The following TENM4 variants were observed in gnomAD, a reference collection of about 807,000 sequenced individuals.
The protein encoded by TENM4 is teneurin transmembrane protein 4, also known as teneurin-4.
TENM4 carries 82 observed loss-of-function variants against 243.3 expected under a neutral mutation model. The ratio of observed to expected loss-of-function variants is 0.34; its 90% CI spans 0.28 to 0.40. TENM4 has a LOEUF of 0.40. Among genes scored for constraint, TENM4 ranks in the 10% least tolerant of loss-of-function variants. The pLI, the probability that TENM4 is intolerant of heterozygous loss-of-function variation, is 1.00. For missense variants in TENM4, 3,138 were observed against 3,673.3 expected (o/e 0.85, Z 3.77); for synonymous variants, 1,412 against 1,456.3 (o/e 0.97, Z 0.69).
At chr11:79,209,043 G>A (rs1412116849) in intron 3 of TENM4, among the ~76,000 whole-genome samples, 1 of 152,168 alleles carries the variant, frequency 6.6e-6, no homozygotes, top group East Asian at 1.9e-4. Flanking sequence ...ATTAGCAACA[G>A]GAAGCGAGCC....
At chr11:79,392,987 T>C (rs1035505807) in intron 1 of TENM4, among the ~76,000 whole-genome samples, 1 of 152,156 alleles carries the variant, frequency 6.6e-6, no homozygotes, top group African/African-American at 2.4e-5. Flanking sequence ...CACCAAATAT[T>C]GAGCACTATC....
chr11:79,329,108 A>T (rs148525352), intron 1 of TENM4, among the ~76,000 whole-genome samples: 1 of 152,214 alleles, frequency 6.6e-6, no homozygotes, highest in African/African-American at 2.4e-5. Context: ...GCCATGGAGA[A>T]TTCTGGGCAA....
intron 6 of TENM4, among the ~76,000 whole-genome samples, chr11:78,956,723 C>G (rs1309154734): frequency 6.6e-6 from 1 of 152,180 alleles, no homozygotes; most frequent in African/African-American, 2.4e-5. Flanking sequence ...CCCCAAAACT[C>G]TGAGACTAAA....
intron 18 of TENM4, among the ~76,000 whole-genome samples, chr11:78,758,890 G>C (rs114188833): frequency 6.0e-4 from 91 of 152,208 alleles, no homozygotes; most frequent in Non-Finnish European, 1.0e-3. Context: ...AAACTCTCTG[G>C]CCTCAGTTCC....
chr11:79,275,383 T>C (rs1377402520), intron 2 of TENM4, among the ~76,000 whole-genome samples: 1 of 152,226 alleles, frequency 6.6e-6, no homozygotes. Flanking sequence ...GTTATTTATG[T>C]GCAAAAGATG....
chr11:79,124,142 G>C (rs1861811216), intron 4 of TENM4, among the ~76,000 whole-genome samples: 1 of 152,178 alleles, frequency 6.6e-6, no homozygotes, highest in Non-Finnish European at 1.5e-5. Flanking sequence ...TCTCTGCCAA[G>C]CTCCTGCCTT....
rs184143975 is a variant in TENM4 at position 78,906,973 on chromosome 11, C to A, written c.494-3450G>T. ...TTTGTGTGCAAAAAATCATAGTAGACCACTCTGGGCCTGCTAGACCATGGG... is the reference window on the plus strand; with the variant it reads ...TTTGTGTGCAAAAAATCATAGTAGAACACTCTGGGCCTGCTAGACCATGGG... On this transcript the variant is annotated intron_variant, in intron 6 of 33. Transcript: ENST00000278550. Among the ~76,000 whole-genome samples the A allele has an allele frequency of 1.8e-4, 27 of 152,262 alleles. No individual in the cohort carries two copies. In the East Asian group the frequency reaches 4.6e-3, roughly 26 times the overall value.
chr11:79,279,700 C>T (rs1167769090), intron 2 of TENM4, among the ~76,000 whole-genome samples: 1 of 152,168 alleles, frequency 6.6e-6, no homozygotes, highest in Non-Finnish European at 1.5e-5. Flanking sequence ...GACTCCAGGG[C>T]CTTCCAGGTC....
chr11:79,175,751 A>G (rs888030925), intron 3 of TENM4, among the ~76,000 whole-genome samples: 4 of 152,218 alleles, frequency 2.6e-5, no homozygotes, highest in Admixed American at 2.6e-4. Flanking sequence ...TCAAGAAAAA[A>G]TAAGTATAAT....
Position 78,708,392 on chromosome 11 carries a change from A to G in TENM4, c.4178T>C (p.Leu1393Pro). 6.2e-7 allele frequency: 1 copy of G among 1,614,068 alleles called. No individual in the cohort carries two copies. The highest frequency in any genetic ancestry group is 1.1e-5 in the South Asian group (1 of 91,082). The stretch of plus-strand genomic sequence containing the variant: ...AATATCCATGACAGAATCACAGCTG[A>G]GTGGCCGGGCTGATGTGAGATCATT... ...GSNDLTSARP[L>P]SCDSVMDISQ... Residue 1393 changes from leucine to proline, a missense_variant, in exon 27 of 34, where the codon CTC becomes CCC. This residue lies in a region of TENM4 where 2,467 missense variants were observed against 3,059.1 expected (regional missense o/e 0.81). Transcript: ENST00000278550.
chr11:79,139,850 A>G (rs893145514), intron 4 of TENM4, among the ~76,000 whole-genome samples: 1 of 120,452 alleles, frequency 8.3e-6, no homozygotes, highest in Non-Finnish European at 1.7e-5. Flanking sequence ...TATGTAATAT[A>G]TATGTATTTT....
At chr11:78,723,576 T>C (rs775112594) in intron 23 of TENM4, among the ~76,000 whole-genome samples, 3 of 152,254 alleles carry the variant, frequency 2.0e-5, no homozygotes, top group Non-Finnish European at 1.5e-5. Context: ...TCTTTACTGC[T>C]TTAACTGCCC....
intron 1 of TENM4, among the ~76,000 whole-genome samples, chr11:79,334,097 C>T (rs911906290): frequency 1.3e-5 from 2 of 152,206 alleles, no homozygotes; most frequent in Admixed American, 1.3e-4. Flanking sequence ...TCATTGACTA[C>T]CTAACTGGGC....
At position 79,263,924 on chromosome 11, in the gene TENM4, G is replaced by A. The variant is rs568047103; in HGVS notation, c.-265+33564C>T. ...CCCTATGCATGGCCTACGGGGCTTC[G>A]CATCCCTTGAATATGGTATTTTCCA... On this transcript the variant is annotated intron_variant, in intron 2 of 33. Transcript: ENST00000278550. Among the ~76,000 whole-genome samples, 8 of 152,238 alleles carry A rather than the reference G, an allele frequency of 5.3e-5. No homozygotes were observed. The East Asian group carries it at 9.6e-4, about 18-fold the overall frequency.
At chr11:78,843,495 A>G (rs1858309957) in intron 12 of TENM4, among the ~76,000 whole-genome samples, 1 of 150,816 alleles carries the variant, frequency 6.6e-6, no homozygotes, top group Non-Finnish European at 1.5e-5. Context: ...GCTAAAAAAC[A>G]AAAAAAAACA....
intron 19 of TENM4, among the ~76,000 whole-genome samples, chr11:78,743,685 T>C (rs1474166498): frequency 1.3e-5 from 2 of 152,136 alleles, no homozygotes; most frequent in African/African-American, 2.4e-5. Context: ...TTTGATTCTA[T>C]ACCCTCCTCA....
intron 19 of TENM4, among the ~76,000 whole-genome samples, chr11:78,744,318 C>G (rs1341120484): frequency 6.6e-6 from 1 of 152,254 alleles, no homozygotes; most frequent in Admixed American, 6.5e-5. Flanking sequence ...ACCAGCTTTT[C>G]CAGCCCAACA....
intron 1 of TENM4, among the ~76,000 whole-genome samples, chr11:79,370,841 T>C (rs1388612962): frequency 7.0e-6 from 1 of 142,688 alleles, no homozygotes; most frequent in Non-Finnish European, 1.5e-5. Context: ...GAATTAACGT[T>C]TTTGCTTAAA....
chr11:78,699,996 G>T (rs1300240138), intron 28 of TENM4, among the ~76,000 whole-genome samples: 1 of 152,130 alleles, frequency 6.6e-6, no homozygotes, highest in Non-Finnish European at 1.5e-5. Context: ...CTGGATCTTT[G>T]TCTTTTCTTT....
Sources: gnomAD v4.1 joint callset for allele counts (sites outside exome capture counted in the v4.1 genomes callset) on GRCh38, gnomAD v4.1.1 for gene constraint, gnomAD v4.1.1 regional missense constraint, MANE v1.5 for transcripts, NCBI Gene and HGNC (gene_info 2026-07-23, HGNC 2026-07-21) for gene names.